The following JCAD variants were observed in gnomAD, a reference collection of about 807,000 sequenced individuals.
JCAD encodes junctional cadherin 5 associated.
Under a neutral mutation model 98.0 loss-of-function variants are expected in JCAD, and 40 were observed. That is an observed-to-expected ratio of 0.41 (90% CI 0.32 to 0.53). JCAD has a LOEUF of 0.53. Ranked by LOEUF, JCAD falls within the 20% of genes least tolerant of loss-of-function variation. JCAD has a pLI of 0.31. For synonymous variants in JCAD, 691 were observed against 682.3 expected, an observed-to-expected ratio of 1.01 and a Z score of -0.20; for missense variants, 1,705 against 1,738.1, an observed-to-expected ratio of 0.98 and a Z score of 0.34.
chr10:30,026,730 C>A lies in JCAD; in HGVS notation c.3418G>T (p.Val1140Leu). 1 of 1,614,134 alleles carries A rather than the reference C, an allele frequency of 6.2e-7. No individual in the cohort carries two copies. The highest frequency in any genetic ancestry group is 1.1e-5 in the South Asian group (1 of 91,078). ...CTGCCATAAAAGGCATCAGTGGACA[C>A]CCTGGGGACATCTGCCGGTGCTGGG... ...SRPAPADVPR[V>L]STDAFYGRRK... The change falls in exon 3 of 4, where the codon GTG becomes TTG. Residue 1140 changes from valine (V) to leucine (L), a missense_variant. Coordinates refer to ENST00000375377, the MANE Select transcript of JCAD (RefSeq NM_020848.4).
At chr10:30,058,245 T>C (rs1837619904) in intron 1 of JCAD, among the ~76,000 whole-genome samples, 1 of 152,168 alleles carries the variant, frequency 6.6e-6, no homozygotes, top group South Asian at 2.1e-4. Context: ...CACATTAAAC[T>C]GTCAGGACAG....
chr10:30,041,124 T>C (rs532725363), intron 2 of JCAD, among the ~76,000 whole-genome samples: 8 of 152,222 alleles, frequency 5.3e-5, no homozygotes, highest in Non-Finnish European at 1.2e-4. Context: ...AAACTGGTGC[T>C]GGTAAAAGCT....
intron 1 of JCAD, among the ~76,000 whole-genome samples, chr10:30,070,368 A>G (rs11007890): frequency 0.064 from 9,804 of 152,248 alleles, 538 homozygotes; most frequent in East Asian, 0.31. Context: ...GATAAGATCC[A>G]GCAGGATGTC....
In JCAD at chr10:30,037,626, G is replaced by A. The variant is rs575865336; in HGVS notation, c.282-7760C>T. On this transcript the variant is annotated intron_variant, in intron 2 of 3. Coordinates refer to ENST00000375377, the MANE Select transcript of JCAD (RefSeq NM_020848.4). ...TAAAGTACCTGGCGGACTATTTCTG[G>A]AGGTTACAGTTTTGTTATTAAAAAA... is the stretch of plus-strand genomic sequence containing the variant. Among the ~76,000 whole-genome samples, 3 of 151,746 alleles carry A rather than the reference G, an allele frequency of 2.0e-5. No homozygotes were observed. The East Asian group carries it at 5.8e-4, about 29-fold the overall frequency.
At chr10:30,061,731 CTT>C (rs72058801), upstream of JCAD, among the ~76,000 whole-genome samples, 174 of 142,022 alleles carry the variant, frequency 1.2e-3, no homozygotes, top group African/African-American at 4.2e-3. Flanking sequence ...GAAATGCAGA[CTT>C]TTTTTTTTTT....
chr10:30,101,024 G>A (rs569021774), intron 1 of JCAD, among the ~76,000 whole-genome samples: 7 of 152,354 alleles, frequency 4.6e-5, no homozygotes, highest in African/African-American at 1.7e-4. Flanking sequence ...AAGATAACGA[G>A]TTATGGAGAT....
At chr10:30,058,963 G>A (rs1837642720) in intron 1 of JCAD, among the ~76,000 whole-genome samples, 1 of 152,130 alleles carries the variant, frequency 6.6e-6, no homozygotes, top group African/African-American at 2.4e-5. Context: ...GGGCAGTCCA[G>A]ACGGCCGGGG....
At chr10:30,080,747 C>T (rs1392613948) in intron 1 of JCAD, among the ~76,000 whole-genome samples, 1 of 152,190 alleles carries the variant, frequency 6.6e-6, no homozygotes. Flanking sequence ...CCATTTCCCC[C>T]TCTGGAATGA....
At chr10:30,036,027 T>G (rs531041733) in intron 2 of JCAD, among the ~76,000 whole-genome samples, 2 of 152,342 alleles carry the variant, frequency 1.3e-5, no homozygotes, top group African/African-American at 4.8e-5. Context: ...GCAAGTCTAT[T>G]CACTGCATAT....
At chr10:30,070,081 C>T (rs781190477) in intron 1 of JCAD, among the ~76,000 whole-genome samples, 5 of 152,040 alleles carry the variant, frequency 3.3e-5, no homozygotes, top group Admixed American at 3.3e-4. Flanking sequence ...TCAATCAAAT[C>T]GTGCAAATAA....
At chr10:30,065,929 C>T (rs980219804) in intron 2 of JCAD, among the ~76,000 whole-genome samples, 6 of 152,128 alleles carry the variant, frequency 3.9e-5, no homozygotes, top group Admixed American at 1.3e-4. Context: ...CTCATCAAAC[C>T]GATGCAATCA....
At chr10:30,114,962 T>G (rs1838766642) in intron 1 of JCAD, among the ~76,000 whole-genome samples, 2 of 152,208 alleles carry the variant, frequency 1.3e-5, no homozygotes, top group South Asian at 4.1e-4. Flanking sequence ...CAGTTTAGTT[T>G]TATTCAATAA....
chr10:30,047,746 G>T lies in JCAD; in HGVS notation c.67C>A (p.Arg23Ser), dbSNP rs200411233. ...TGGCGCCCCTTGGGGTTATCCTCGC[G>T]TGATGCTGGGGGGTCTCTTGACAGC... ...YKLSRDPPASREDNPKGRQAA... is the reference protein window; with the variant it reads ...YKLSRDPPASSEDNPKGRQAA... Residue 23 changes from arginine (R) to serine (S), a missense_variant, in exon 2 of 4, where the codon CGC becomes AGC. Around this residue, in one of 3 missense-constraint regions of JCAD, gnomAD observed 152 missense variants for 148.0 expected, o/e 1.03. Transcript: ENST00000375377. The T allele has an allele frequency of 6.2e-7, 1 of 1,614,194 alleles. No individual in the cohort carries two copies. Among genetic ancestry groups the T allele is most frequent in the South Asian group, 1.1e-5 (1 of 91,068 alleles).
At chr10:30,093,023 G>C (rs945749584) in intron 1 of JCAD, among the ~76,000 whole-genome samples, 1 of 152,086 alleles carries the variant, frequency 6.6e-6, no homozygotes, top group Non-Finnish European at 1.5e-5. Context: ...CCAGAAAATA[G>C]AGCTTTGGGA....
At chr10:30,078,864 G>T (rs1164704182) in intron 1 of JCAD, among the ~76,000 whole-genome samples, 1 of 152,138 alleles carries the variant, frequency 6.6e-6, no homozygotes, top group Non-Finnish European at 1.5e-5. Flanking sequence ...TCAAGTACAC[G>T]CCAGTAAAAG....
intron 1 of JCAD, among the ~76,000 whole-genome samples, chr10:30,086,257 T>A (rs140364096): frequency 6.6e-6 from 1 of 152,342 alleles, no homozygotes; most frequent in Non-Finnish European, 1.5e-5. Context: ...CTTTTGTGCA[T>A]TGAACTTTTC....
chr10:30,028,781 C>G lies in JCAD; in HGVS notation c.1367G>C (p.Ser456Thr), dbSNP rs1302416654. Reference protein sequence around the residue: ...IKLDDKSYNSSPVTAQEPAHG... With the variant: ...IKLDDKSYNSTPVTAQEPAHG... ...AGCCGGCTCTTGAGCAGTGACAGGA[C>G]TGGAGTTATATGATTTATCGTCAAG... The change falls in exon 3 of 4, where the codon AGT becomes ACT. Residue 456 changes from serine to threonine, a missense_variant. Ser to Thr is a moderately conservative substitution (Grantham distance 58). Transcript: ENST00000375377. The G allele has an allele frequency of 6.2e-7, 1 of 1,614,124 alleles. No homozygotes were observed. Among genetic ancestry groups the G allele is most frequent in the African/African-American group, 1.3e-5 (1 of 74,942 alleles).
chr10:30,063,011 A>C (rs553074311), upstream of JCAD, among the ~76,000 whole-genome samples: 5 of 152,196 alleles, frequency 3.3e-5, no homozygotes, highest in African/African-American at 1.2e-4. Context: ...ACCGGTCACC[A>C]GTACATGGAC....
intron 2 of JCAD, among the ~76,000 whole-genome samples, chr10:30,065,881 G>A (rs56066036): frequency 4.6e-4 from 70 of 152,300 alleles, no homozygotes; most frequent in African/African-American, 1.5e-3. Context: ...AGGATCAACT[G>A]GGGGAGGGAG....
Sources: allele counts gnomAD v4.1 joint callset (sites outside exome capture counted in the v4.1 genomes callset), GRCh38; gene constraint gnomAD v4.1.1; regional missense constraint gnomAD v4.1.1; transcripts MANE v1.5; gene names NCBI Gene and HGNC (gene_info 2026-07-23, HGNC 2026-07-21).